The following CASTOR2 variants were observed in gnomAD, a reference collection of about 807,000 sequenced individuals.
CASTOR2 encodes cytosolic arginine sensor for mTORC1 subunit 2, also known as GATS protein like 2.
A neutral mutation model predicts 31.2 loss-of-function variants in CASTOR2; 8 were observed. The observed-to-expected ratio is 0.26, with a 90% CI of 0.15 to 0.46. The LOEUF is 0.46. Ranked by LOEUF, CASTOR2 falls within the 20% of genes least tolerant of loss-of-function variation. The probability of loss-of-function intolerance (pLI) is 0.99; values close to 1 mark genes in which losing one functional copy is unlikely to be tolerated. For synonymous variants in CASTOR2, 162 were observed against 158.7 expected (o/e 1.02, Z -0.16); for missense variants, 216 against 382.1 (o/e 0.57, Z 3.62).
rs1805252056 is a variant in CASTOR2 at position 75,029,856 on chromosome 7, G to C, written c.*5157G>C. 6.6e-6 allele frequency among the ~76,000 whole-genome samples: 1 copy of C among 152,206 alleles called. No homozygotes were observed. The highest frequency in any genetic ancestry group is 1.5e-5 in the Non-Finnish European group (1 of 68,038). ...ATGCTGAGGGAGGGGGTTAGGCCTG[G>C]TGGGGGCCCATTCAAAGGAGGCCGG... is the stretch of plus-strand genomic sequence containing the variant. On this transcript the variant is annotated 3_prime_UTR_variant, in exon 9 of 9. Coordinates refer to ENST00000616305, the MANE Select transcript of CASTOR2 (RefSeq NM_001145064.3).
chr7:75,022,046 C>T, intron 7 of CASTOR2, 90 bp downstream of exon 7: 1 of 1,456,292 alleles, frequency 6.9e-7, no homozygotes. Flanking sequence ...TCGGCCCCTG[C>T]TGGGGGGTAC....
intron 1 of CASTOR2, among the ~76,000 whole-genome samples, chr7:74,978,158 C>G (rs1209144779): frequency 6.8e-6 from 1 of 147,734 alleles, no homozygotes; most frequent in African/African-American, 2.5e-5. Flanking sequence ...GGCTGGAGTG[C>G]AATGGTGCGA....
intron 1 of CASTOR2, among the ~76,000 whole-genome samples, chr7:74,983,776 A>G (rs1289462850): frequency 6.0e-5 from 9 of 149,886 alleles, no homozygotes; most frequent in Non-Finnish European, 1.2e-4. Context: ...ATTCCCAGGC[A>G]GGTCACCCTA....
At chr7:75,015,351 C>G (rs1265596150) in intron 2 of CASTOR2, among the ~76,000 whole-genome samples, 4 of 152,176 alleles carry the variant, frequency 2.6e-5, no homozygotes, top group Admixed American at 1.3e-4. Flanking sequence ...CTCACTGCAG[C>G]CTTGAAATCT....
intron 2 of CASTOR2, among the ~76,000 whole-genome samples, chr7:75,011,438 A>G (rs1311467470): frequency 3.3e-5 from 5 of 149,918 alleles, no homozygotes; most frequent in Admixed American, 6.7e-5. Flanking sequence ...CAAAAAAAAA[A>G]AAAAAAAAGT....
intron 1 of CASTOR2, among the ~76,000 whole-genome samples, chr7:75,005,163 G>A (rs1466836979): frequency 8.5e-5 from 13 of 152,164 alleles, no homozygotes; most frequent in African/African-American, 2.9e-4. Flanking sequence ...CACCGCACCC[G>A]GCCTAAATTT....
rs1385956878 is a variant in CASTOR2 at position 75,025,637 on chromosome 7, G to A, written c.*938G>A. Among the ~76,000 whole-genome samples, 1 of 152,252 alleles carries A rather than the reference G, an allele frequency of 6.6e-6. No homozygotes were observed. The highest frequency in any genetic ancestry group is 1.5e-5 in the Non-Finnish European group (1 of 68,038). ...TCCTCTGCCCCCAAGTCACCTGCCT[G>A]CCCACCCGCCCCTTGGCTGGGGGCT... On this transcript the variant is annotated 3_prime_UTR_variant, in exon 9 of 9. Coordinates refer to ENST00000616305, the MANE Select transcript of CASTOR2 (RefSeq NM_001145064.3).
At chr7:75,005,024 C>A (rs1554438646) in intron 1 of CASTOR2, among the ~76,000 whole-genome samples, 5,773 of 151,636 alleles carry the variant, frequency 0.038, 162 homozygotes, top group Middle Eastern at 0.11. Flanking sequence ...CACTGCCACG[C>A]CTGGCTAATT....
At chr7:75,010,133 T>C (rs1431860287) in intron 2 of CASTOR2, among the ~76,000 whole-genome samples, 2 of 151,986 alleles carry the variant, frequency 1.3e-5, no homozygotes, top group East Asian at 3.9e-4. Context: ...GGGAGACTTC[T>C]GCAGCATGGT....
At chr7:74,995,810 A>AAG (rs1804332797) in intron 1 of CASTOR2, among the ~76,000 whole-genome samples, 1 of 142,816 alleles carries the variant, frequency 7.0e-6, no homozygotes, top group Admixed American at 7.1e-5. Context: ...TCCATCTCAG[A>AAG]AAAAAAAAAA....
chr7:74,987,216 C>T (rs1804087610), intron 1 of CASTOR2, among the ~76,000 whole-genome samples: 1 of 151,962 alleles, frequency 6.6e-6, no homozygotes, highest in Non-Finnish European at 1.5e-5. Context: ...ACCAGCCTGG[C>T]CAACATGGTG....
Position 75,025,360 on chromosome 7 carries a change from A to C in CASTOR2, c.*661A>C, listed in dbSNP as rs917660008. Among the ~76,000 whole-genome samples, 151 of 152,274 alleles carry C rather than the reference A, an allele frequency of 9.9e-4. No homozygotes were observed. The highest frequency in any genetic ancestry group is 3.4e-3 in the African/African-American group (143 of 41,572). On this transcript the variant is annotated 3_prime_UTR_variant, in exon 9 of 9. Coordinates refer to ENST00000616305, the MANE Select transcript of CASTOR2 (RefSeq NM_001145064.3). ...CCCGACTCCCAGCAAGACTGCCAAG[A>C]GGGCCCTGTCCAGACCCTCCCCCAC...
chr7:75,028,144 G>A lies in CASTOR2; in HGVS notation c.*3445G>A. 7.3e-7 allele frequency: 1 copy of A among 1,364,774 alleles called. No homozygotes were observed. Among genetic ancestry groups the A allele is most frequent in the African/African-American group, 1.5e-5 (1 of 66,772 alleles). 84.5% of individuals were successfully genotyped at this position (1,364,774 alleles called of 1,614,324 possible). The stretch of plus-strand genomic sequence containing the variant: ...TTTTTTTTTTTTTTTTTGAGACGGA[G>A]TCTTGCTCTGTCGCCCAGGCTGGAG... On this transcript the variant is annotated 3_prime_UTR_variant, in exon 9 of 9. Coordinates refer to ENST00000616305, the MANE Select transcript of CASTOR2 (RefSeq NM_001145064.3).
Position 75,027,727 on chromosome 7 carries a change from A to C in CASTOR2, c.*3028A>C, listed in dbSNP as rs1019698573. Reference sequence around the variant, plus strand: ...CCCCTGGGGACCCTGCTCCTCGGTCACAGGGGGCCCCTTTAGTTTTCCCAT... The same window carrying C: ...CCCCTGGGGACCCTGCTCCTCGGTCCCAGGGGGCCCCTTTAGTTTTCCCAT... On this transcript the variant is annotated 3_prime_UTR_variant, in exon 9 of 9. Coordinates refer to ENST00000616305, the MANE Select transcript of CASTOR2 (RefSeq NM_001145064.3). The C allele has an allele frequency of 1.2e-5, 5 of 419,656 alleles. No individual in the cohort carries two copies. Among genetic ancestry groups the C allele is most frequent in the Non-Finnish European group, 2.2e-5 (5 of 228,754 alleles). The allele number at this position is 419,656 out of a possible 1,614,324, so 26.0% of individuals were successfully genotyped here. A position where few individuals can be genotyped will look rare whatever the true frequency, so the allele number is the denominator to read the frequency against.
chr7:75,021,733 G>A (rs1385577211), intron 6 of CASTOR2, 141 bp from the exon 7 acceptor site: 34 of 980,912 alleles, frequency 3.5e-5, no homozygotes, highest in South Asian at 5.6e-5. Context: ...TGTCTGGAAG[G>A]GATTGTTTTT....
In CASTOR2 at chr7:74,995,511, G is replaced by GAAAAA. The variant is rs1335114046; in HGVS notation, c.114-12473_114-12469dup. On this transcript the variant is annotated intron_variant, in intron 1 of 8. Coordinates refer to ENST00000616305, the MANE Select transcript of CASTOR2 (RefSeq NM_001145064.3). ...TGAGACCCTGTCTTTACAAAAAAAT[G>GAAAAA]AAAAAAAAAAAAAAGGCCGGGTGCG... Among the ~76,000 whole-genome samples, 15 of 88,468 alleles carry GAAAAA rather than the reference G, an allele frequency of 1.7e-4. 4 individuals are homozygous for GAAAAA. The highest frequency in any genetic ancestry group is 6.7e-4 in the East Asian group (2 of 2,988). The allele number at this position is 88,468 out of a possible 152,430, so 58.0% of individuals were successfully genotyped here.
chr7:74,995,593 G>A (rs1163629754), intron 1 of CASTOR2, among the ~76,000 whole-genome samples: 3 of 151,562 alleles, frequency 2.0e-5, no homozygotes, highest in Non-Finnish European at 4.4e-5. Flanking sequence ...GGGTCACGAG[G>A]TCAGGAGATC....
intron 2 of CASTOR2, among the ~76,000 whole-genome samples, chr7:75,013,900 A>G (rs1265960045): frequency 6.6e-6 from 1 of 151,770 alleles, no homozygotes; most frequent in Non-Finnish European, 1.5e-5. Context: ...GCTACTTTTT[A>G]TATTTTTAGT....
At chr7:74,975,682 A>C (rs1584457968) in intron 1 of CASTOR2, among the ~76,000 whole-genome samples, 6 of 107,414 alleles carry the variant, frequency 5.6e-5, no homozygotes, top group East Asian at 2.7e-4. Context: ...ACAGAGCCAG[A>C]CTCCATGTCA....
Sources: allele counts gnomAD v4.1 joint callset (sites outside exome capture counted in the v4.1 genomes callset), GRCh38; gene constraint gnomAD v4.1.1; transcripts MANE v1.5; gene names NCBI Gene and HGNC (gene_info 2026-07-23, HGNC 2026-07-21).